The following HPSE2 variants were observed in gnomAD, a reference collection of about 807,000 sequenced individuals.
HPSE2 encodes heparanase 2 (inactive).
A neutral mutation model predicts 60.5 loss-of-function variants in HPSE2; 38 were observed. That is an observed-to-expected ratio of 0.63 (90% CI 0.48 to 0.82). The LOEUF is 0.82. HPSE2 is among the 40% of genes least tolerant of loss of function. The probability of loss-of-function intolerance (pLI) is 0.00; values close to 1 mark genes in which losing one functional copy is unlikely to be tolerated. For synonymous variants in HPSE2, 295 were observed against 293.2 expected, an observed-to-expected ratio of 1.01 and a Z score of -0.06; for missense variants, 713 against 740.4, an observed-to-expected ratio of 0.96 and a Z score of 0.43.
chr10:99,186,198 A>G (rs528705327), intron 2 of HPSE2, among the ~76,000 whole-genome samples: 1 of 151,426 alleles, frequency 6.6e-6, no homozygotes, highest in South Asian at 2.1e-4. Flanking sequence ...GACAAAGAGA[A>G]AATCTTGAAA....
At position 99,206,459 on chromosome 10, in the gene HPSE2, G is replaced by A. The variant is rs777950116; in HGVS notation, c.448+25889C>T. Among the ~76,000 whole-genome samples, 228 of 151,996 alleles carry A rather than the reference G, an allele frequency of 1.5e-3. 1 individual carries two copies. The highest frequency in any genetic ancestry group is 1.4e-3 in the Non-Finnish European group (93 of 67,962). On this transcript the variant is annotated intron_variant, in intron 2 of 11. Transcript: ENST00000370552. Reference sequence around the variant, plus strand: ...CTACAAAAAATTAGCCGGGGGTGGTGGCATGCGCTATGGTCTCAGCTACCT... The same window carrying A: ...CTACAAAAAATTAGCCGGGGGTGGTAGCATGCGCTATGGTCTCAGCTACCT...
At chr10:98,761,710 A>C (rs1950007579) in intron 3 of HPSE2, among the ~76,000 whole-genome samples, 4 of 152,160 alleles carry the variant, frequency 2.6e-5, no homozygotes, top group Admixed American at 2.6e-4. Context: ...CAATGACCTA[A>C]GAACTCCGAA....
chr10:98,680,312 T>C (rs1947751574), intron 6 of HPSE2, among the ~76,000 whole-genome samples: 1 of 152,230 alleles, frequency 6.6e-6, no homozygotes. Flanking sequence ...TTTTTTTTCT[T>C]GTATCTATCC....
At chr10:98,586,776 G>A (rs1252740183) in intron 9 of HPSE2, among the ~76,000 whole-genome samples, 1 of 152,162 alleles carries the variant, frequency 6.6e-6, no homozygotes, top group Non-Finnish European at 1.5e-5. Context: ...ATAATACCAT[G>A]CCATGTTTCT....
chr10:98,544,593 G>C, intron 9 of HPSE2, among the ~76,000 whole-genome samples: 1 of 151,330 alleles, frequency 6.6e-6, no homozygotes. Flanking sequence ...GGCGCCTGTA[G>C]TCCCAGCTAC....
chr10:98,881,408 T>C (rs1167568078), intron 3 of HPSE2, among the ~76,000 whole-genome samples: 10 of 151,964 alleles, frequency 6.6e-5, no homozygotes, highest in African/African-American at 9.7e-5. Context: ...AAAGTCAGGA[T>C]CCAAAACTAT....
the HPSE2 span, among the ~76,000 whole-genome samples, chr10:99,280,464 T>C: frequency 1.3e-5 from 2 of 152,192 alleles, no homozygotes; most frequent in Non-Finnish European, 2.9e-5. Flanking sequence ...TTTAGATTCA[T>C]ATGCATTCCC....
At chr10:99,275,910 G>C in the HPSE2 span, among the ~76,000 whole-genome samples, 6 of 151,980 alleles carry the variant, frequency 3.9e-5, no homozygotes, top group Admixed American at 3.9e-4. Flanking sequence ...GGTGGGTGTG[G>C]GTGTGTGTAT....
rs1589446900 is a variant in HPSE2 at position 98,973,604 on chromosome 10, A to G, written c.610+170634T>C. Among the ~76,000 whole-genome samples the G allele has an allele frequency of 2.0e-5, 3 of 152,354 alleles. No homozygotes were observed. The East Asian group carries it at 5.8e-4, about 29-fold the overall frequency. On this transcript the variant is annotated intron_variant, in intron 3 of 11. Coordinates refer to ENST00000370552, the MANE Select transcript of HPSE2 (RefSeq NM_021828.5). ...CAAAACTTTAAAAAGCATCTGGCAC[A>G]TAAATAGTAATTCTGAAATATATTG...
the HPSE2 span, among the ~76,000 whole-genome samples, chr10:99,248,661 T>A: frequency 9.2e-5 from 14 of 152,194 alleles, no homozygotes; most frequent in Non-Finnish European, 1.9e-4. Flanking sequence ...GGACTAAATG[T>A]TAATAGCAAA....
At chr10:98,712,949 C>T (rs1948709074) in intron 5 of HPSE2, among the ~76,000 whole-genome samples, 1 of 151,970 alleles carries the variant, frequency 6.6e-6, no homozygotes, top group Non-Finnish European at 1.5e-5. Context: ...AATTTATAAT[C>T]TATAAAGGAC....
At chr10:98,760,211 G>A (rs1953639) in intron 3 of HPSE2, among the ~76,000 whole-genome samples, 21,554 of 151,836 alleles carry the variant, frequency 0.14, 1,909 homozygotes, top group Admixed American at 0.23. Flanking sequence ...TATATAAAAC[G>A]ATGTCATCTG....
chr10:99,079,769 T>C (rs1843070001), intron 3 of HPSE2, among the ~76,000 whole-genome samples: 1 of 152,048 alleles, frequency 6.6e-6, no homozygotes, highest in Non-Finnish European at 1.5e-5. Context: ...ATTCACTTTG[T>C]GCTGAGTTGG....
chr10:98,667,466 A>T (rs61883433), intron 6 of HPSE2, among the ~76,000 whole-genome samples: 2,180 of 152,302 alleles, frequency 0.014, 19 homozygotes, highest in Non-Finnish European at 0.021. Flanking sequence ...TCTGGCAGAG[A>T]CACAATGAAA....
At chr10:98,580,451 T>C (rs1944764031) in intron 9 of HPSE2, among the ~76,000 whole-genome samples, 1 of 152,170 alleles carries the variant, frequency 6.6e-6, no homozygotes, top group African/African-American at 2.4e-5. Flanking sequence ...TCTTTTTGTT[T>C]TTCTTTATGT....
intron 6 of HPSE2, among the ~76,000 whole-genome samples, chr10:98,646,237 A>G (rs1329649010): frequency 6.6e-6 from 1 of 152,152 alleles, no homozygotes; most frequent in Non-Finnish European, 1.5e-5. Context: ...TTGGGCATGA[A>G]GGAGATGGAG....
chr10:98,650,285 G>C (rs1946881726), intron 6 of HPSE2, among the ~76,000 whole-genome samples: 1 of 152,186 alleles, frequency 6.6e-6, no homozygotes, highest in African/African-American at 2.4e-5. Flanking sequence ...CCATCCCCAA[G>C]GTACATCAGC....
chr10:99,075,283 T>C (rs531528196), intron 3 of HPSE2, among the ~76,000 whole-genome samples: 2 of 152,300 alleles, frequency 1.3e-5, no homozygotes, highest in South Asian at 4.1e-4. Context: ...TCTTCTTTGA[T>C]CCATTAGCTC....
In HPSE2 at chr10:98,986,819, C is replaced by T. The variant is rs576413159; in HGVS notation, c.610+157419G>A. 9.4e-4 allele frequency among the ~76,000 whole-genome samples: 142 copies of T among 151,768 alleles called. 1 individual carries two copies. The highest frequency in any genetic ancestry group is 3.1e-3 in the African/African-American group (130 of 41,468). On this transcript the variant is annotated intron_variant, in intron 3 of 11. Transcript: ENST00000370552. ...AAAATGATAAAGGGGATATCACCAC[C>T]GATCCCACAGAAATACAAACTACCA...
Sources: allele counts gnomAD v4.1 joint callset (sites outside exome capture counted in the v4.1 genomes callset), GRCh38; gene constraint gnomAD v4.1.1; transcripts MANE v1.5; gene names NCBI Gene and HGNC (gene_info 2026-07-23, HGNC 2026-07-21).